The following ITPR2 variants were observed in gnomAD, a reference collection of about 807,000 sequenced individuals.
ITPR2 encodes inositol 1,4,5-trisphosphate-gated calcium channel ITPR2.
In ITPR2, 207 loss-of-function variants were observed where a neutral mutation model predicts 317.1. The observed-to-expected ratio is 0.65, with a 90% CI of 0.58 to 0.73. The LOEUF is 0.73. ITPR2 is among the 30% of genes least tolerant of loss of function. ITPR2 has a pLI of 0.00. For synonymous variants in ITPR2, 1,156 were observed against 1,149.1 expected, an observed-to-expected ratio of 1.01 and a Z score of -0.12; for missense variants, 2,613 against 3,284.0, an observed-to-expected ratio of 0.80 and a Z score of 4.99.
chr12:26,737,149 C>T (rs1409258792), intron 2 of ITPR2, among the ~76,000 whole-genome samples: 1 of 152,144 alleles, frequency 6.6e-6, no homozygotes, highest in Non-Finnish European at 1.5e-5. Context: ...TAAACTTGTA[C>T]TCATCATGTT....
chr12:26,580,901 C>T (rs527578313), intron 32 of ITPR2, among the ~76,000 whole-genome samples: 1 of 151,782 alleles, frequency 6.6e-6, no homozygotes. Context: ...ATTGCAAAAG[C>T]TAAGATACCT....
intron 2 of ITPR2, among the ~76,000 whole-genome samples, chr12:26,789,833 A>C (rs77104965): frequency 1.3e-5 from 2 of 152,270 alleles, no homozygotes; most frequent in African/African-American, 4.8e-5. Context: ...TATAACATTT[A>C]TAACTGTCAG....
intron 54 of ITPR2, among the ~76,000 whole-genome samples, chr12:26,391,855 C>G (rs983355035): frequency 1.3e-5 from 2 of 151,972 alleles, no homozygotes; most frequent in Admixed American, 1.3e-4. Context: ...CATGAGCCAC[C>G]GTGCCCGGCC....
chr12:26,693,421 A>G (rs570536185), intron 10 of ITPR2, among the ~76,000 whole-genome samples: 2 of 152,350 alleles, frequency 1.3e-5, no homozygotes, highest in East Asian at 1.9e-4. Context: ...TACCCTATGT[A>G]GTCAACCCTC....
intron 45 of ITPR2, among the ~76,000 whole-genome samples, chr12:26,461,627 AAT>A (rs754482854): frequency 0.045 from 2,145 of 47,922 alleles, 19 homozygotes; most frequent in East Asian, 0.11. Flanking sequence ...AAAGCATATA[AAT>A]ATATATATAT....
At chr12:26,721,199 A>AG in intron 5 of ITPR2, 1 of 424,736 alleles carries the variant, frequency 2.4e-6, no homozygotes, top group African/African-American at 2.3e-5. Context: ...AAGAAAAAAA[A>AG]GTAGGGTTTT....
At chr12:26,535,784 T>G (rs116448284) in intron 37 of ITPR2, among the ~76,000 whole-genome samples, 3 of 152,218 alleles carry the variant, frequency 2.0e-5, no homozygotes, top group Non-Finnish European at 1.5e-5. Flanking sequence ...GAATTTTTCA[T>G]AAGAAAATCT....
chr12:26,415,249 C>T (rs1940684932), intron 51 of ITPR2, 54 bp downstream of exon 51: 2 of 1,163,452 alleles, frequency 1.7e-6, no homozygotes, highest in African/African-American at 1.6e-5. Flanking sequence ...TAACAAGCTA[C>T]ACACAAGTCA....
At chr12:26,618,067 A>T (rs1946410654) in intron 26 of ITPR2, among the ~76,000 whole-genome samples, 1 of 152,200 alleles carries the variant, frequency 6.6e-6, no homozygotes. Flanking sequence ...TGTAGTTTTT[A>T]AAAAGTAAAC....
At chr12:26,481,689 T>G in intron 42 of ITPR2, among the ~76,000 whole-genome samples, 1 of 152,216 alleles carries the variant, frequency 6.6e-6, no homozygotes, top group East Asian at 1.9e-4. Context: ...ATGGTACCAA[T>G]GAAGCATTTT....
intron 13 of ITPR2, among the ~76,000 whole-genome samples, chr12:26,680,686 T>C (rs1948011431): frequency 6.6e-6 from 1 of 152,204 alleles, no homozygotes; most frequent in Non-Finnish European, 1.5e-5. Flanking sequence ...CCATTGCACA[T>C]AGATGTAGTT....
intron 21 of ITPR2, among the ~76,000 whole-genome samples, chr12:26,634,232 A>T (rs933796020): frequency 2.0e-5 from 3 of 152,224 alleles, no homozygotes; most frequent in Non-Finnish European, 4.4e-5. Flanking sequence ...GAACCATTAC[A>T]GCTTGAAAAA....
At chr12:26,721,434 T>G in intron 5 of ITPR2, 1 of 441,614 alleles carries the variant, frequency 2.3e-6, no homozygotes, top group South Asian at 5.1e-5. Context: ...AAAACACATT[T>G]AAAATGTAAT....
At chr12:26,489,540 G>T (rs1038747068) in intron 39 of ITPR2, among the ~76,000 whole-genome samples, 1 of 152,140 alleles carries the variant, frequency 6.6e-6, no homozygotes, top group Non-Finnish European at 1.5e-5. Context: ...TCTTCAGTAA[G>T]GTAGGATAAC....
intron 2 of ITPR2, among the ~76,000 whole-genome samples, chr12:26,736,097 A>G (rs1275199666): frequency 2.6e-5 from 4 of 152,196 alleles, no homozygotes; most frequent in African/African-American, 9.7e-5. Context: ...AGAAACAATC[A>G]TTAGATATCT....
Position 26,339,066 on chromosome 12 carries a change from C to T in ITPR2, c.*331G>A, listed in dbSNP as rs1035686574. ...CATTTAAGACAAAACTGACTCCTAT[C>T]GATTTAGCAGAAGAGAGTTCTCCCT... is the stretch of plus-strand genomic sequence containing the variant. On this transcript the variant is annotated 3_prime_UTR_variant, in exon 57 of 57. Coordinates refer to ENST00000381340, the MANE Select transcript of ITPR2 (RefSeq NM_002223.4). The T allele has an allele frequency of 3.0e-5, 6 of 203,070 alleles. No individual in the cohort carries two copies. Among genetic ancestry groups the T allele is most frequent in the African/African-American group, 4.6e-5 (2 of 43,156 alleles). The allele number at this position is 203,070 out of a possible 1,614,324, so 12.6% of individuals were successfully genotyped here.
chr12:26,688,473 T>A (rs1313407461), intron 10 of ITPR2, among the ~76,000 whole-genome samples: 5 of 149,876 alleles, frequency 3.3e-5, no homozygotes, highest in African/African-American at 7.4e-5. Flanking sequence ...AAGAGATGAG[T>A]GCAGTTACCT....
At chr12:26,780,903 C>A (rs1950063312) in intron 2 of ITPR2, among the ~76,000 whole-genome samples, 1 of 152,166 alleles carries the variant, frequency 6.6e-6, no homozygotes, top group Non-Finnish European at 1.5e-5. Context: ...GTTAAGATTG[C>A]CACCTGGACA....
At chr12:26,768,442 T>TA (rs1949769879) in intron 2 of ITPR2, among the ~76,000 whole-genome samples, 1 of 40,168 alleles carries the variant, frequency 2.5e-5, no homozygotes. Context: ...AAATAAAAAA[T>TA]AAAAAATAAA....
Sources: gnomAD v4.1 joint callset for allele counts (sites outside exome capture counted in the v4.1 genomes callset) on GRCh38, gnomAD v4.1.1 for gene constraint, MANE v1.5 for transcripts, NCBI Gene and HGNC (gene_info 2026-07-23, HGNC 2026-07-21) for gene names.